Variants in VAPB observed in about 807,000 individuals in gnomAD.
VAPB encodes the protein vesicle-associated membrane protein-associated protein B/C.
Under a neutral mutation model 25.6 loss-of-function variants are expected in VAPB, and 7 were observed. That is an observed-to-expected ratio of 0.27 (90% CI 0.16 to 0.51). The LOEUF (loss-of-function observed/expected upper bound fraction) is 0.51, where lower values mean the gene tolerates loss of function less well. VAPB is among the 20% of genes least tolerant of loss of function. VAPB has a pLI of 0.97. For missense variants in VAPB, 266 were observed against 301.3 expected, an observed-to-expected ratio of 0.88 and a Z score of 0.87; for synonymous variants, 112 against 109.2, an observed-to-expected ratio of 1.03 and a Z score of -0.16.
intron 2 of VAPB, chr20:58,432,395 C>G (rs1878142475): frequency 6.6e-6 from 1 of 152,128 alleles, no homozygotes; most frequent in Non-Finnish European, 1.5e-5. Flanking sequence ...CTGTTCACAG[C>G]TGGGAGAACA....
At position 58,389,445 on chromosome 20, in the gene VAPB, C is replaced by G. The variant is rs756912027; in HGVS notation, c.-15C>G. On this transcript the variant is annotated 5_prime_UTR_variant, in exon 1 of 6. Transcript: ENST00000475243. ...CAGGGGTCTCCCCGCCAAAGGTGCTCCGCCGCTAAGGAACATGGCGAAGGT... is the reference window on the plus strand; with the variant it reads ...CAGGGGTCTCCCCGCCAAAGGTGCTGCGCCGCTAAGGAACATGGCGAAGGT... 1.9e-6 allele frequency: 3 copies of G among 1,588,628 alleles called. No individual in the cohort carries two copies. Among genetic ancestry groups the G allele is most frequent in the Non-Finnish European group, 2.6e-6 (3 of 1,168,050 alleles).
rs542631596 is a variant in VAPB, at chr20:58,448,529, C to T, written c.*4294C>T. ...AAATAAAGGCTCCAGGAGGTTAAAT[C>T]GGGCAACTTTTTAGAACTAAATCAG... On this transcript the variant is annotated 3_prime_UTR_variant, in exon 6 of 6. Transcript: ENST00000475243. 10 of 454,018 alleles carry T rather than the reference C, an allele frequency of 2.2e-5. No individual in the cohort carries two copies. Among genetic ancestry groups the T allele is most frequent in the African/African-American group, 1.0e-4 (5 of 50,074 alleles). 28.1% of individuals were successfully genotyped at this position (454,018 alleles called of 1,614,324 possible).
chr20:58,403,640 T>C (rs1262052857), intron 1 of VAPB, among the ~76,000 whole-genome samples: 2 of 152,232 alleles, frequency 1.3e-5, no homozygotes, highest in African/African-American at 2.4e-5. Flanking sequence ...AGGTTCTGGC[T>C]TCAGTCTTCT....
At chr20:58,408,796 C>G (rs1452984785) in intron 1 of VAPB, among the ~76,000 whole-genome samples, 1 of 151,936 alleles carries the variant, frequency 6.6e-6, no homozygotes, top group Admixed American at 6.6e-5. Context: ...AGTACAATGA[C>G]CTCTGAGGAA....
chr20:58,396,052 G>C (rs1012846629), intron 1 of VAPB, among the ~76,000 whole-genome samples: 35 of 152,146 alleles, frequency 2.3e-4, no homozygotes, highest in African/African-American at 7.5e-4. Context: ...CTTGCATGGG[G>C]GTTTGGGGGT....
chr20:58,448,451 C>T lies in VAPB; in HGVS notation c.*4216C>T. On this transcript the variant is annotated 3_prime_UTR_variant, in exon 6 of 6. Transcript: ENST00000475243. ...ATTTCCAATACATTCGCTCATTGAA[C>T]TTAATCCTTGCAACTGTGACTGGGG... 1 of 454,092 alleles carries T rather than the reference C, an allele frequency of 2.2e-6. No individual in the cohort carries two copies. The highest frequency in any genetic ancestry group is 4.4e-6 in the Non-Finnish European group (1 of 226,798). 28.1% of individuals were successfully genotyped at this position (454,092 alleles called of 1,614,324 possible).
chr20:58,446,365 G>GGA lies in VAPB; in HGVS notation c.*2134_*2135dup, dbSNP rs1195908881. The GGA allele has an allele frequency of 8.8e-6, 4 of 454,018 alleles. No homozygotes were observed. The East Asian group carries it at 2.8e-4, about 32-fold the overall frequency. The allele number at this position is 454,018 out of a possible 1,614,324, so 28.1% of individuals were successfully genotyped here. On this transcript the variant is annotated 3_prime_UTR_variant, in exon 6 of 6. Coordinates refer to ENST00000475243, the MANE Select transcript of VAPB (RefSeq NM_004738.5). ...CTTCCAGGCCCTCATGTCTTTGATA[G>GGA]GAGAGTGCTTAGGTGGTCCCCAACA...
chr20:58,398,636 G>C (rs6015267), intron 1 of VAPB, among the ~76,000 whole-genome samples: 32,407 of 152,058 alleles, frequency 0.21, 3,966 homozygotes, highest in African/African-American at 0.32. Flanking sequence ...TTCTGCTTTG[G>C]GTGTTCGATC....
In VAPB at chr20:58,447,296, G is replaced by A. The variant is rs189747369; in HGVS notation, c.*3061G>A. ...AGACAGCAGGCTTTTTTATTTGTAG[G>A]TGTGAGGAACTGGCTTTAACTTTTT... On this transcript the variant is annotated 3_prime_UTR_variant, in exon 6 of 6. Transcript: ENST00000475243. 2 of 454,108 alleles carry A rather than the reference G, an allele frequency of 4.4e-6. No individual in the cohort carries two copies. Among genetic ancestry groups the A allele is most frequent in the Non-Finnish European group, 8.8e-6 (2 of 226,780 alleles). The allele number at this position is 454,108 out of a possible 1,614,324, so 28.1% of individuals were successfully genotyped here. A position where few individuals can be genotyped will look rare whatever the true frequency, so the allele number is the denominator to read the frequency against.
chr20:58,444,990 AG>A lies in VAPB; in HGVS notation c.*756del, dbSNP rs2123106658. 2.2e-6 allele frequency: 1 copy of A among 454,758 alleles called. No individual in the cohort carries two copies. Among genetic ancestry groups the A allele is most frequent in the South Asian group, 1.6e-5 (1 of 64,474 alleles). The allele number at this position is 454,758 out of a possible 1,614,324, so 28.2% of individuals were successfully genotyped here. On this transcript the variant is annotated 3_prime_UTR_variant, in exon 6 of 6. Coordinates refer to ENST00000475243, the MANE Select transcript of VAPB (RefSeq NM_004738.5). The stretch of plus-strand genomic sequence containing the variant: ...CATCTCATGTTTTCTTATTGTCACA[AG>A]AGTACAGTTAATGCTGCGTGCTGCT...
chr20:58,445,060 GCTCCT>G lies in VAPB; in HGVS notation c.*828_*832del, dbSNP rs981746351. ...TGGTATTGCTGCTGGAGGGCTGTGG[GCTCCT>G]CTGTCTCTGGAGAGTCTGGTCATGT... On this transcript the variant is annotated 3_prime_UTR_variant, in exon 6 of 6. Transcript: ENST00000475243. The G allele has an allele frequency of 4.2e-5, 19 of 454,776 alleles. No homozygotes were observed. The highest frequency in any genetic ancestry group is 3.8e-4 in the African/African-American group (19 of 50,118). 28.2% of individuals were successfully genotyped at this position (454,776 alleles called of 1,614,324 possible). A position where few individuals can be genotyped will look rare whatever the true frequency, so the allele number is the denominator to read the frequency against.
chr20:58,405,120 A>G (rs540085024), intron 1 of VAPB, among the ~76,000 whole-genome samples: 1 of 152,354 alleles, frequency 6.6e-6, no homozygotes, highest in African/African-American at 2.4e-5. Flanking sequence ...AATTTTAAGT[A>G]GGGTAATTAG....
chr20:58,421,757 A>G (rs1030793345), intron 2 of VAPB, among the ~76,000 whole-genome samples: 1 of 152,138 alleles, frequency 6.6e-6, no homozygotes, highest in Admixed American at 6.6e-5. Context: ...GTTGATGGTA[A>G]TGATGTCTGC....
intron 1 of VAPB, among the ~76,000 whole-genome samples, chr20:58,402,406 G>A (rs1249070300): frequency 6.6e-6 from 1 of 152,044 alleles, no homozygotes; most frequent in African/African-American, 2.4e-5. Flanking sequence ...TTACCTTTGA[G>A]GCTCAGCACA....
In VAPB at chr20:58,449,691, G is replaced by A. The variant is rs1989388443; in HGVS notation, c.*5456G>A. On this transcript the variant is annotated 3_prime_UTR_variant, in exon 6 of 6. Coordinates refer to ENST00000475243, the MANE Select transcript of VAPB (RefSeq NM_004738.5). Reference sequence around the variant, plus strand: ...ATGCTGATGTTTATTTTTAAACCAGGAAACATTGATCCTGTAACAATGCCC... The same window carrying A: ...ATGCTGATGTTTATTTTTAAACCAGAAAACATTGATCCTGTAACAATGCCC... 2.2e-6 allele frequency: 1 copy of A among 453,986 alleles called. No individual in the cohort carries two copies. The highest frequency in any genetic ancestry group is 2.3e-5 in the Admixed American group (1 of 42,556). The allele number at this position is 453,986 out of a possible 1,614,324, so 28.1% of individuals were successfully genotyped here.
chr20:58,445,925 C>T lies in VAPB; in HGVS notation c.*1690C>T, dbSNP rs1367535535. 4 of 453,886 alleles carry T rather than the reference C, an allele frequency of 8.8e-6. No individual in the cohort carries two copies. Among genetic ancestry groups the T allele is most frequent in the Non-Finnish European group, 1.8e-5 (4 of 226,788 alleles). 28.1% of individuals were successfully genotyped at this position (453,886 alleles called of 1,614,324 possible). On this transcript the variant is annotated 3_prime_UTR_variant, in exon 6 of 6. Transcript: ENST00000475243. ...GTGCACAGGTTTGAGAGGACAAGTT[C>T]ATCAGAAGGAAGGCAGTCCTTAGAA...
At chr20:58,399,679 T>C (rs1475387315) in intron 1 of VAPB, among the ~76,000 whole-genome samples, 1 of 148,496 alleles carries the variant, frequency 6.7e-6, no homozygotes, top group Non-Finnish European at 1.5e-5. Flanking sequence ...ATTGTGCCTC[T>C]GCACTCCAGC....
chr20:58,397,402 C>T (rs1310463900), intron 1 of VAPB, among the ~76,000 whole-genome samples: 2 of 151,978 alleles, frequency 1.3e-5, no homozygotes, highest in African/African-American at 2.4e-5. Flanking sequence ...GCCTGTAATC[C>T]CAGCTACTTG....
At chr20:58,440,874 G>A (rs1989144068) in intron 4 of VAPB, 33 bp from the exon 5 acceptor site, 6 of 1,606,080 alleles carry the variant, frequency 3.7e-6, no homozygotes, top group Non-Finnish European at 4.3e-6. Flanking sequence ...TACATGGTCG[G>A]TGACACTTAG....
Sources: allele counts gnomAD v4.1 joint callset (sites outside exome capture counted in the v4.1 genomes callset), GRCh38; gene constraint gnomAD v4.1.1; transcripts MANE v1.5; gene names NCBI Gene and HGNC (gene_info 2026-07-23, HGNC 2026-07-21).